Variants in SUPT6H observed in about 807,000 individuals in gnomAD.
SUPT6H encodes the protein transcription elongation factor SPT6.
In SUPT6H, 11 loss-of-function variants were observed where a neutral mutation model predicts 222.3. The ratio of observed to expected loss-of-function variants is 0.05; its 90% CI spans 0.03 to 0.08. SUPT6H has a LOEUF of 0.08. Ranked by LOEUF, SUPT6H falls within the 10% of genes least tolerant of loss-of-function variation. The pLI is 1.00. For synonymous variants in SUPT6H, 762 were observed against 801.2 expected (o/e 0.95, Z 0.83); for missense variants, 1,422 against 2,216.0 (o/e 0.64, Z 7.19).
intron 23 of SUPT6H, 129 bp from the exon 24 acceptor site, chr17:28,687,962 C>T: frequency 2.1e-6 from 2 of 956,716 alleles, no homozygotes; most frequent in Non-Finnish European, 2.8e-6. Context: ...TGGTCGATAG[C>T]ATGCTGTAGT....
At chr17:28,672,882 G>C (rs2030510157) in intron 1 of SUPT6H, 1 of 152,454 alleles carries the variant, frequency 6.6e-6, no homozygotes, top group East Asian at 1.9e-4. Flanking sequence ...CGGGTGCGGT[G>C]GCTCACGCCT....
At chr17:28,693,469 A>G (rs2031767327) in intron 27 of SUPT6H, among the ~76,000 whole-genome samples, 1 of 152,236 alleles carries the variant, frequency 6.6e-6, no homozygotes, top group African/African-American at 2.4e-5. Flanking sequence ...CTCAAAAAAA[A>G]GAAAAAGATT....
Position 28,699,904 on chromosome 17 carries a change from C to T in SUPT6H, c.4561+11C>T, listed in dbSNP as rs773925342. On this transcript the variant is annotated intron_variant, in intron 33 of 36. Coordinates refer to ENST00000314616, the MANE Select transcript of SUPT6H (RefSeq NM_003170.5). Reference sequence around the variant, plus strand: ...AGGATCCTGTACCAGGTGAGTTCTGCTCTTCCTGACTTCAGGGACGTGGCT... The same window carrying T: ...AGGATCCTGTACCAGGTGAGTTCTGTTCTTCCTGACTTCAGGGACGTGGCT... The T allele has an allele frequency of 1.2e-6, 2 of 1,609,282 alleles. No individual in the cohort carries two copies. Among genetic ancestry groups the T allele is most frequent in the Non-Finnish European group, 1.7e-6 (2 of 1,175,708 alleles).
chr17:28,701,593 G>C lies in SUPT6H; in HGVS notation c.5149G>C (p.Ala1717Pro). 1 of 1,613,446 alleles carries C rather than the reference G, an allele frequency of 6.2e-7. No homozygotes were observed. Among genetic ancestry groups the C allele is most frequent in the Non-Finnish European group, 8.5e-7 (1 of 1,179,546 alleles). ...ESTPMSIAGD[A>P]TPLLDEMDR is the part of the protein sequence containing the mutation. ...CACCCCCATGTCCATTGCTGGCGAT[G>C]CCACCCCACTCCTGGACGAGATGGA... The change falls in exon 37 of 37, where the codon GCC becomes CCC. Residue 1717 changes from alanine (A) to proline (P), a missense_variant. By Grantham distance (27) the Ala-to-Pro change is conservative. Transcript: ENST00000314616.
intron 13 of SUPT6H, 100 bp from the exon 14 acceptor site, chr17:28,682,627 A>G (rs2031175714): frequency 6.7e-7 from 1 of 1,497,608 alleles, no homozygotes; most frequent in African/African-American, 1.4e-5. Flanking sequence ...TCAGGAAAAT[A>G]AAAAAGGCTA....
At chr17:28,667,405 G>GTATA (rs59286877) in intron 1 of SUPT6H, among the ~76,000 whole-genome samples, 2,104 of 49,238 alleles carry the variant, frequency 0.043, 154 homozygotes, top group Middle Eastern at 0.075. Flanking sequence ...GTGTGTGTGT[G>GTATA]TATATATATA....
intron 11 of SUPT6H, among the ~76,000 whole-genome samples, chr17:28,680,406 T>A (rs530548073): frequency 6.6e-6 from 1 of 152,206 alleles, no homozygotes; most frequent in East Asian, 1.9e-4. Flanking sequence ...GAGACCAGAC[T>A]GGCCAACATG....
intron 1 of SUPT6H, among the ~76,000 whole-genome samples, chr17:28,667,478 T>A (rs1345794623): frequency 7.1e-6 from 1 of 140,398 alleles, no homozygotes; most frequent in Non-Finnish European, 1.5e-5. Context: ...TGTGTATATA[T>A]GTGTGTGTAT....
At chr17:28,697,794 C>A in intron 31 of SUPT6H, 61 bp downstream of exon 31, 1 of 1,610,534 alleles carries the variant, frequency 6.2e-7, no homozygotes, top group East Asian at 2.2e-5. Flanking sequence ...TACGCTTTCC[C>A]TTCAGTATAG....
intron 30 of SUPT6H, 127 bp downstream of exon 30, chr17:28,697,209 G>C (rs1597720669): frequency 2.7e-6 from 2 of 740,992 alleles, no homozygotes; most frequent in African/African-American, 3.5e-5. Context: ...CAACAAAACG[G>C]GAGGTGGTTT....
At chr17:28,692,042 G>A (rs2031680174) in intron 27 of SUPT6H, among the ~76,000 whole-genome samples, 1 of 151,578 alleles carries the variant, frequency 6.6e-6, no homozygotes, top group South Asian at 2.1e-4. Context: ...GGGAGGGGCT[G>A]GCCGGGCGCG....
At chr17:28,690,366 T>A in intron 26 of SUPT6H, 137 bp downstream of exon 26, 1 of 1,096,556 alleles carries the variant, frequency 9.1e-7, no homozygotes, top group Non-Finnish European at 1.3e-6. Flanking sequence ...TTTAAAAGAC[T>A]AAAGAGTCCT....
At chr17:28,683,180 G>A in intron 15 of SUPT6H, 88 bp downstream of exon 15, 1 of 1,575,004 alleles carries the variant, frequency 6.3e-7, no homozygotes, top group Non-Finnish European at 8.6e-7. Context: ...TCACTGAGCT[G>A]TGTGTCTGAA....
At chr17:28,673,988 T>C (rs2030586330) in intron 2 of SUPT6H, among the ~76,000 whole-genome samples, 1 of 152,158 alleles carries the variant, frequency 6.6e-6, no homozygotes, top group Admixed American at 6.5e-5. Flanking sequence ...ACAAACTGAG[T>C]AAAACAAAGT....
Position 28,701,803 on chromosome 17 carries a change from A to T in SUPT6H, c.*178A>T. ...GGCCTTGTGAACTTGAGCTCAGTGT[A>T]TGCTAGGCAACAATTCTCCCGCTCC... On this transcript the variant is annotated 3_prime_UTR_variant, in exon 37 of 37. Coordinates refer to ENST00000314616, the MANE Select transcript of SUPT6H (RefSeq NM_003170.5). 1.5e-6 allele frequency: 1 copy of T among 645,284 alleles called. No homozygotes were observed. The highest frequency in any genetic ancestry group is 2.6e-6 in the Non-Finnish European group (1 of 385,712). The allele number at this position is 645,284 out of a possible 1,614,324, so 40.0% of individuals were successfully genotyped here.
intron 24 of SUPT6H, chr17:28,689,094 TACTA>T (rs2031527203): frequency 2.4e-6 from 1 of 421,702 alleles, no homozygotes; most frequent in Admixed American, 4.1e-5. Flanking sequence ...GCTATGCATT[TACTA>T]ACTACCCATT....
chr17:28,695,610 T>C, intron 29 of SUPT6H, 63 bp downstream of exon 29: 1 of 1,531,000 alleles, frequency 6.5e-7, no homozygotes, highest in Non-Finnish European at 8.8e-7. Context: ...AGTGCAGGAT[T>C]CAGGCCACAG....
intron 36 of SUPT6H, 98 bp from the exon 37 acceptor site, chr17:28,701,341 G>A: frequency 1.3e-6 from 2 of 1,489,596 alleles, no homozygotes; most frequent in Non-Finnish European, 1.8e-6. Flanking sequence ...AGGGGCTGCT[G>A]CCCATAGGTA....
chr17:28,678,450 TG>T, intron 9 of SUPT6H, 94 bp from the exon 10 acceptor site: 1 of 1,269,482 alleles, frequency 7.9e-7, no homozygotes, highest in Non-Finnish European at 1.1e-6. Context: ...TTGAATTTCC[TG>T]GAGCTGTTTC....
Sources: gnomAD v4.1 joint callset for allele counts (sites outside exome capture counted in the v4.1 genomes callset) on GRCh38, gnomAD v4.1.1 for gene constraint, MANE v1.5 for transcripts, NCBI Gene and HGNC (gene_info 2026-07-23, HGNC 2026-07-21) for gene names.